Variants in SRGAP3 observed in about 807,000 individuals in gnomAD.
The protein encoded by SRGAP3 is SLIT-ROBO Rho GTPase-activating protein 3.
In SRGAP3, 39 loss-of-function variants were observed where a neutral mutation model predicts 121.1. The observed-to-expected ratio is 0.32, with a 90% CI of 0.25 to 0.42. The LOEUF is 0.42. Ranked by LOEUF, SRGAP3 falls within the 10% of genes least tolerant of loss-of-function variation. The probability of loss-of-function intolerance (pLI) is 1.00; values close to 1 mark genes in which losing one functional copy is unlikely to be tolerated. For synonymous variants in SRGAP3, 601 were observed against 570.0 expected (o/e 1.05, Z -0.77); for missense variants, 1,213 against 1,470.6 (o/e 0.82, Z 2.86).
At chr3:9,046,863 C>T (rs1945307133) in intron 10 of SRGAP3, among the ~76,000 whole-genome samples, 1 of 151,566 alleles carries the variant, frequency 6.6e-6, no homozygotes, top group African/African-American at 2.4e-5. Flanking sequence ...TGGAGTCTCG[C>T]TCTGTCGCCC....
At chr3:9,099,835 C>T (rs1462547182) in intron 3 of SRGAP3, among the ~76,000 whole-genome samples, 1 of 152,180 alleles carries the variant, frequency 6.6e-6, no homozygotes, top group Non-Finnish European at 1.5e-5. Context: ...ATTTTAAGAA[C>T]CGCAGTGAGG....
intron 1 of SRGAP3, among the ~76,000 whole-genome samples, chr3:9,223,072 A>G (rs1952866599): frequency 6.6e-6 from 1 of 152,232 alleles, no homozygotes; most frequent in Non-Finnish European, 1.5e-5. Flanking sequence ...ATCTCCCAAA[A>G]AGATATACCG....
intron 2 of SRGAP3, among the ~76,000 whole-genome samples, chr3:9,110,170 A>T (rs925044966): frequency 9.9e-5 from 15 of 152,092 alleles, no homozygotes; most frequent in African/African-American, 2.9e-4. Context: ...GATTGACGGG[A>T]TGGAGTTAGG....
At chr3:9,029,008 G>C (rs1051814142) in intron 12 of SRGAP3, among the ~76,000 whole-genome samples, 2 of 152,146 alleles carry the variant, frequency 1.3e-5, no homozygotes, top group Non-Finnish European at 2.9e-5. Context: ...GTCCCATCCA[G>C]GCTCCTGGAG....
intron 3 of SRGAP3, among the ~76,000 whole-genome samples, chr3:9,293,821 A>G (rs1954907725): frequency 1.3e-5 from 2 of 152,212 alleles, no homozygotes; most frequent in Admixed American, 6.5e-5. Flanking sequence ...GCTACTATTA[A>G]AAATTCAAAA....
At chr3:9,175,336 G>A (rs1201385699) in intron 1 of SRGAP3, among the ~76,000 whole-genome samples, 1 of 152,144 alleles carries the variant, frequency 6.6e-6, no homozygotes, top group Non-Finnish European at 1.5e-5. Context: ...CTAGACGACG[G>A]GTGTCCTACG....
At chr3:9,049,792 T>TC (rs1945475482) in intron 9 of SRGAP3, among the ~76,000 whole-genome samples, 1 of 150,906 alleles carries the variant, frequency 6.6e-6, no homozygotes, top group East Asian at 1.9e-4. Flanking sequence ...TTTTTTTTTT[T>TC]AGGTAAGGTC....
chr3:9,355,355 G>T (rs2030436612), intron 1 of SRGAP3, among the ~76,000 whole-genome samples: 1 of 152,190 alleles, frequency 6.6e-6, no homozygotes, highest in Non-Finnish European at 1.5e-5. Flanking sequence ...AGCAGCCAGA[G>T]TGATTGTCTG....
At chr3:9,057,080 T>TG (rs1227535152) in intron 7 of SRGAP3, among the ~76,000 whole-genome samples, 4 of 152,088 alleles carry the variant, frequency 2.6e-5, no homozygotes, top group African/African-American at 9.7e-5. Context: ...TTTGTTTGTT[T>TG]TTTGTTGTTG....
At chr3:9,038,684 T>C (rs1314923208) in intron 10 of SRGAP3, among the ~76,000 whole-genome samples, 3 of 152,206 alleles carry the variant, frequency 2.0e-5, no homozygotes, top group African/African-American at 7.2e-5. Flanking sequence ...TCAAGTACTA[T>C]GGGTTCTCCA....
At chr3:9,127,022 C>T (rs1005358192) in intron 1 of SRGAP3, among the ~76,000 whole-genome samples, 4 of 152,164 alleles carry the variant, frequency 2.6e-5, no homozygotes, top group Non-Finnish European at 4.4e-5. Flanking sequence ...CAAGGGATCA[C>T]AAACCCTTGC....
intron 1 of SRGAP3, among the ~76,000 whole-genome samples, chr3:9,185,253 C>A (rs1445268899): frequency 6.6e-6 from 1 of 152,196 alleles, no homozygotes; most frequent in Admixed American, 6.5e-5. Context: ...GCTGCATGCC[C>A]TTGGACACCA....
intron 4 of SRGAP3, 109 bp downstream of exon 4, chr3:9,079,916 G>A (rs1029061544): frequency 5.1e-6 from 6 of 1,179,186 alleles, no homozygotes; most frequent in African/African-American, 1.5e-5. Context: ...ATAAAACGCA[G>A]CAAAAAAGGC....
chr3:9,269,851 T>C (rs1316722631), intron 3 of SRGAP3, among the ~76,000 whole-genome samples: 2 of 142,256 alleles, frequency 1.4e-5, no homozygotes, highest in African/African-American at 2.6e-5. Flanking sequence ...AAAAGTAGAA[T>C]ACAAAAATGT....
chr3:9,161,136 T>C (rs887600830), intron 1 of SRGAP3, among the ~76,000 whole-genome samples: 5 of 152,138 alleles, frequency 3.3e-5, no homozygotes, highest in Non-Finnish European at 7.3e-5. Context: ...CTCAAAGGAG[T>C]GCCTACAAAA....
chr3:9,057,958 G>A (rs895029073), intron 7 of SRGAP3, among the ~76,000 whole-genome samples: 1 of 152,168 alleles, frequency 6.6e-6, no homozygotes, highest in African/African-American at 2.4e-5. Flanking sequence ...CGCACATGTG[G>A]GGTTAGAACA....
intron 3 of SRGAP3, among the ~76,000 whole-genome samples, chr3:9,284,378 C>A (rs558771411): frequency 6.6e-6 from 1 of 152,176 alleles, no homozygotes; most frequent in Non-Finnish European, 1.5e-5. Flanking sequence ...TTTTGTTTTA[C>A]CACGTGTGTG....
At chr3:9,265,230 G>A (rs1954332895) in intron 3 of SRGAP3, among the ~76,000 whole-genome samples, 2 of 152,020 alleles carry the variant, frequency 1.3e-5, no homozygotes, top group Admixed American at 1.3e-4. Flanking sequence ...AACTCAAGAT[G>A]GATTAAAGAC....
At chr3:9,341,692 C>T (rs2728943) in intron 1 of SRGAP3, among the ~76,000 whole-genome samples, 145,930 of 152,156 alleles carry the variant, frequency 0.96, 70,067 homozygotes, top group East Asian at 1. Context: ...AGAGATGGGG[C>T]TTCACCATGT....
Sources: allele counts gnomAD v4.1 joint callset (sites outside exome capture counted in the v4.1 genomes callset), GRCh38; gene constraint gnomAD v4.1.1; transcripts MANE v1.5; gene names NCBI Gene and HGNC (gene_info 2026-07-23, HGNC 2026-07-21).